BMAL1: variants seen among roughly 807,000 people sequenced by gnomAD.
BMAL1 encodes the protein basic helix-loop-helix ARNT-like protein 1.
chr11:13,330,484 G>A, the BMAL1 span, among the ~76,000 whole-genome samples: 1 of 152,264 alleles, frequency 6.6e-6, no homozygotes, highest in Non-Finnish European at 1.5e-5. Flanking sequence ...TGCAGAGCAT[G>A]CCATATCTAA....
chr11:13,304,702 T>G, the BMAL1 span, among the ~76,000 whole-genome samples: 74 of 152,312 alleles, frequency 4.9e-4, no homozygotes, highest in African/African-American at 1.6e-3. Context: ...TGGCAGGGAC[T>G]GAGTGTGCCC....
chr11:13,369,804 G>T, the BMAL1 span: 1 of 1,593,574 alleles, frequency 6.3e-7, no homozygotes, highest in Non-Finnish European at 8.5e-7. Context: ...CCTGTGACAG[G>T]TGAAGCATGC....
chr11:13,336,556 G>A, the BMAL1 span, among the ~76,000 whole-genome samples: 2 of 152,132 alleles, frequency 1.3e-5, no homozygotes, highest in Admixed American at 1.3e-4. Context: ...CCTCAAGCCT[G>A]GGCCTCTACC....
At chr11:13,372,864 G>A in the BMAL1 span, among the ~76,000 whole-genome samples, 1 of 152,056 alleles carries the variant, frequency 6.6e-6, no homozygotes, top group Admixed American at 6.6e-5. Flanking sequence ...GATTCAATAG[G>A]ATATCATCAT....
At chr11:13,284,445 G>A in the BMAL1 span, among the ~76,000 whole-genome samples, 8 of 149,542 alleles carry the variant, frequency 5.3e-5, no homozygotes, top group East Asian at 5.9e-4. Flanking sequence ...AACACAGGCC[G>A]TCCTGAATAT....
chr11:13,308,055 A>G, the BMAL1 span, among the ~76,000 whole-genome samples: 1 of 152,172 alleles, frequency 6.6e-6, no homozygotes, highest in African/African-American at 2.4e-5. Context: ...TGTCGCAGCA[A>G]TCTAGGATGG....
At chr11:13,378,805 G>A in the BMAL1 span, 15 of 241,548 alleles carry the variant, frequency 6.2e-5, no homozygotes, top group African/African-American at 2.1e-4. Flanking sequence ...TTCTCAGTGC[G>A]GATAGATGTA....
the BMAL1 span, among the ~76,000 whole-genome samples, chr11:13,382,276 T>G: frequency 8.0e-6 from 1 of 125,570 alleles, no homozygotes; most frequent in Admixed American, 8.6e-5. Context: ...GTTAACAAAT[T>G]AATGGGTAAG....
the BMAL1 span, among the ~76,000 whole-genome samples, chr11:13,278,622 G>A: frequency 3.3e-5 from 5 of 152,196 alleles, no homozygotes; most frequent in Admixed American, 1.3e-4. Flanking sequence ...CCCAGCCTGC[G>A]AACTTTCGTG....
At chr11:13,362,629 A>G in the BMAL1 span, among the ~76,000 whole-genome samples, 1 of 152,122 alleles carries the variant, frequency 6.6e-6, no homozygotes, top group African/African-American at 2.4e-5. Context: ...TCTTTTGGCT[A>G]CCACTCTCAG....
the BMAL1 span, among the ~76,000 whole-genome samples, chr11:13,297,190 C>T: frequency 6.6e-6 from 1 of 152,234 alleles, no homozygotes; most frequent in African/African-American, 2.4e-5. Context: ...GAATGAGCTA[C>T]ACCTGGCTGG....
the BMAL1 span, among the ~76,000 whole-genome samples, chr11:13,305,027 CTG>C: frequency 7.2e-5 from 11 of 152,296 alleles, no homozygotes; most frequent in African/African-American, 2.4e-4. Flanking sequence ...GGAAAAGCCT[CTG>C]TGTTTGAGAG....
At chr11:13,362,807 C>G in the BMAL1 span, among the ~76,000 whole-genome samples, 2 of 152,202 alleles carry the variant, frequency 1.3e-5, no homozygotes, top group African/African-American at 4.8e-5. Context: ...TGCAGTTTCA[C>G]AAGGCCCCAT....
the BMAL1 span, among the ~76,000 whole-genome samples, chr11:13,284,256 A>T: frequency 4.0e-5 from 1 of 25,012 alleles, no homozygotes; most frequent in Non-Finnish European, 8.3e-5. Context: ...ATATATATAT[A>T]TATATATATA....
the BMAL1 span, among the ~76,000 whole-genome samples, chr11:13,345,898 G>C: frequency 1.3e-5 from 2 of 152,142 alleles, no homozygotes; most frequent in East Asian, 3.9e-4. Context: ...GTCAGCATAT[G>C]ATGAGTTGTA....
the BMAL1 span, among the ~76,000 whole-genome samples, chr11:13,323,584 T>C: frequency 6.6e-6 from 1 of 152,218 alleles, no homozygotes; most frequent in Non-Finnish European, 1.5e-5. Flanking sequence ...ATCATCTGTT[T>C]GCAATTCTTT....
chr11:13,337,151 GA>G, the BMAL1 span, among the ~76,000 whole-genome samples: 1 of 152,144 alleles, frequency 6.6e-6, no homozygotes, highest in Non-Finnish European at 1.5e-5. Context: ...CTGTGTTTAT[GA>G]AATTTTATTA....
At chr11:13,336,361 C>T in the BMAL1 span, among the ~76,000 whole-genome samples, 2 of 152,130 alleles carry the variant, frequency 1.3e-5, no homozygotes, top group Non-Finnish European at 2.9e-5. Flanking sequence ...AGCCAGGCTC[C>T]CCACTCTTTA....
At chr11:13,376,517 C>T in the BMAL1 span, 2 of 908,302 alleles carry the variant, frequency 2.2e-6, no homozygotes, top group Non-Finnish European at 3.7e-6. Context: ...CCCACTCAGA[C>T]AGACACTTCA....
Sources: allele counts gnomAD v4.1 joint callset (sites outside exome capture counted in the v4.1 genomes callset), GRCh38; gene constraint gnomAD v4.1.1; transcripts MANE v1.5; gene names NCBI Gene and HGNC (gene_info 2026-07-23, HGNC 2026-07-21).